The following LPP variants were observed in gnomAD, a reference collection of about 807,000 sequenced individuals.
The protein encoded by LPP is lipoma-preferred partner.
A neutral mutation model predicts 60.4 loss-of-function variants in LPP; 38 were observed. That is an observed-to-expected ratio of 0.63 (90% CI 0.49 to 0.83). The LOEUF (loss-of-function observed/expected upper bound fraction) is 0.83, where lower values mean the gene tolerates loss of function less well. Among genes scored for constraint, LPP ranks in the 40% least tolerant of loss-of-function variants. The pLI, the probability that LPP is intolerant of heterozygous loss-of-function variation, is 0.00. For missense variants in LPP, 902 were observed against 783.6 expected, an observed-to-expected ratio of 1.15 and a Z score of -1.80; for synonymous variants, 328 against 290.8, an observed-to-expected ratio of 1.13 and a Z score of -1.30.
chr3:188,291,558 A>G (rs1745951222), intron 2 of LPP, among the ~76,000 whole-genome samples: 1 of 149,062 alleles, frequency 6.7e-6, no homozygotes, highest in African/African-American at 2.5e-5. Context: ...AGGCAGGATA[A>G]TGGTGTGAAC....
At chr3:188,541,924 A>T (rs1825298757) in intron 6 of LPP, among the ~76,000 whole-genome samples, 1 of 152,122 alleles carries the variant, frequency 6.6e-6, no homozygotes, top group Non-Finnish European at 1.5e-5. Flanking sequence ...AAACAAAACA[A>T]ATAAAAATTG....
intron 6 of LPP, chr3:188,584,398 C>A (rs188138988): frequency 6.6e-6 from 1 of 151,852 alleles, no homozygotes; most frequent in Non-Finnish European, 1.5e-5. Context: ...CCGTAGGTTG[C>A]GAAAGTGATT....
intron 7 of LPP, among the ~76,000 whole-genome samples, chr3:188,640,353 C>T (rs1849806838): frequency 8.0e-6 from 1 of 125,586 alleles, no homozygotes; most frequent in Non-Finnish European, 1.6e-5. Context: ...GAACATCACA[C>T]TCTGGGGACT....
At chr3:188,264,645 CTGGAGA>C (rs1734820698) in intron 2 of LPP, among the ~76,000 whole-genome samples, 1 of 152,210 alleles carries the variant, frequency 6.6e-6, no homozygotes, top group East Asian at 1.9e-4. Context: ...AAATAACTCT[CTGGAGA>C]GAAAGTTCAG....
intron 11 of LPP, among the ~76,000 whole-genome samples, chr3:188,874,018 T>C (rs1465569997): frequency 6.6e-6 from 1 of 152,030 alleles, no homozygotes; most frequent in Non-Finnish European, 1.5e-5. Flanking sequence ...TCTTATTTTC[T>C]CTTGTTGAGT....
At chr3:188,295,549 T>C (rs562926555) in intron 2 of LPP, among the ~76,000 whole-genome samples, 1 of 152,336 alleles carries the variant, frequency 6.6e-6, no homozygotes, top group South Asian at 2.1e-4. Context: ...TGTTATTTTA[T>C]TTTTTAGAGA....
chr3:188,295,382 G>C (rs945131819), intron 2 of LPP, among the ~76,000 whole-genome samples: 1 of 152,146 alleles, frequency 6.6e-6, no homozygotes, highest in Non-Finnish European at 1.5e-5. Flanking sequence ...CTCAGGGCTC[G>C]CTATTCATCT....
At chr3:188,809,136 G>A (rs1750094301) in intron 9 of LPP, among the ~76,000 whole-genome samples, 1 of 152,076 alleles carries the variant, frequency 6.6e-6, no homozygotes. Flanking sequence ...TAGTGCTGCA[G>A]TAAACATACA....
At chr3:188,322,392 G>A (rs1471579328) in intron 2 of LPP, among the ~76,000 whole-genome samples, 1 of 152,084 alleles carries the variant, frequency 6.6e-6, no homozygotes, top group Non-Finnish European at 1.5e-5. Context: ...TTTATGTGAT[G>A]TCATTTTCTC....
At chr3:188,508,400 A>G (rs192172632) in intron 5 of LPP, among the ~76,000 whole-genome samples, 3 of 152,368 alleles carry the variant, frequency 2.0e-5, no homozygotes, top group Admixed American at 2.0e-4. Flanking sequence ...GAAAGGGACT[A>G]TACAGTCTCC....
intron 2 of LPP, among the ~76,000 whole-genome samples, chr3:188,295,326 G>A (rs1329238030): frequency 6.6e-6 from 1 of 152,160 alleles, no homozygotes; most frequent in Non-Finnish European, 1.5e-5. Context: ...AAAGCTTCCA[G>A]CTATATTTGA....
At chr3:188,718,282 T>G (rs1714898625) in intron 8 of LPP, among the ~76,000 whole-genome samples, 1 of 152,150 alleles carries the variant, frequency 6.6e-6, no homozygotes, top group African/African-American at 2.4e-5. Context: ...AATTCTATGG[T>G]CAAAATTTTC....
At chr3:188,842,344 T>C (rs968162468) in intron 9 of LPP, among the ~76,000 whole-genome samples, 4 of 152,236 alleles carry the variant, frequency 2.6e-5, no homozygotes, top group African/African-American at 9.6e-5. Context: ...TCTATCCATA[T>C]TTTTCGCCCA....
intron 5 of LPP, among the ~76,000 whole-genome samples, chr3:188,508,820 G>A (rs1223850250): frequency 6.6e-6 from 1 of 152,106 alleles, no homozygotes; most frequent in Non-Finnish European, 1.5e-5. Flanking sequence ...CAGAGTTGTG[G>A]GATTTTAATT....
At chr3:188,306,386 G>A (rs1436812806) in intron 2 of LPP, among the ~76,000 whole-genome samples, 1 of 152,070 alleles carries the variant, frequency 6.6e-6, no homozygotes, top group Non-Finnish European at 1.5e-5. Flanking sequence ...ACCGTGCCTG[G>A]CCTGAAAATT....
chr3:188,427,277 G>A (rs1789636261), intron 4 of LPP, among the ~76,000 whole-genome samples: 1 of 152,166 alleles, frequency 6.6e-6, no homozygotes, highest in African/African-American at 2.4e-5. Context: ...GTTGAATATT[G>A]GCCCCCATTC....
intron 2 of LPP, among the ~76,000 whole-genome samples, chr3:188,322,570 CT>C (rs1052634994): frequency 3.3e-5 from 5 of 152,086 alleles, no homozygotes; most frequent in African/African-American, 9.7e-5. Context: ...TTAAAAAGGC[CT>C]TTTGGTTATA....
intron 9 of LPP, among the ~76,000 whole-genome samples, chr3:188,776,749 G>A (rs1342887841): frequency 6.6e-6 from 1 of 152,132 alleles, no homozygotes; most frequent in Admixed American, 6.5e-5. Context: ...AGAATTGAGT[G>A]GAAGTCAATT....
At chr3:188,246,771 T>A (rs1266081840) in intron 2 of LPP, among the ~76,000 whole-genome samples, 1 of 152,214 alleles carries the variant, frequency 6.6e-6, no homozygotes, top group Non-Finnish European at 1.5e-5. Context: ...CACAATATTA[T>A]CCTTCCTAAT....
Sources: gnomAD v4.1 joint callset for allele counts (sites outside exome capture counted in the v4.1 genomes callset) on GRCh38, gnomAD v4.1.1 for gene constraint, MANE v1.5 for transcripts, NCBI Gene and HGNC (gene_info 2026-07-23, HGNC 2026-07-21) for gene names.